Variants in DGKZ observed in about 807,000 individuals in gnomAD.
DGKZ encodes the protein DAG kinase zeta.
A neutral mutation model predicts 142.5 loss-of-function variants in DGKZ; 45 were observed. That is an observed-to-expected ratio of 0.32 (90% CI 0.25 to 0.40). The LOEUF is 0.40. DGKZ is among the 10% of genes least tolerant of loss of function. The pLI is 1.00. For synonymous variants in DGKZ, 442 were observed against 527.0 expected, an observed-to-expected ratio of 0.84 and a Z score of 2.21; for missense variants, 755 against 1,306.5, an observed-to-expected ratio of 0.58 and a Z score of 6.51.
chr11:46,374,777 G>A, exon 18 of DGKZ: 1 of 1,612,348 alleles, frequency 6.2e-7, no homozygotes, highest in Non-Finnish European at 8.5e-7. Flanking sequence ...GTGATGGAAT[G>A]GACTTGACTC....
chr11:46,361,012 C>T (rs937205706), intron 1 of DGKZ, among the ~76,000 whole-genome samples: 1 of 152,206 alleles, frequency 6.6e-6, no homozygotes, highest in Non-Finnish European at 1.5e-5. Context: ...TGGGCAGTCA[C>T]GGGCTTCCAC....
At chr11:46,357,310 C>T (rs1942143285) in intron 1 of DGKZ, among the ~76,000 whole-genome samples, 1 of 152,094 alleles carries the variant, frequency 6.6e-6, no homozygotes, top group African/African-American at 2.4e-5. Context: ...ACCAAACCGA[C>T]TATCTAGTTT....
chr11:46,364,297 C>G (rs1323700192), intron 1 of DGKZ: 2 of 1,161,274 alleles, frequency 1.7e-6, no homozygotes, highest in African/African-American at 3.2e-5. Flanking sequence ...AGTACCTATT[C>G]CTTGGGGTTG....
At position 46,379,501 on chromosome 11, in the gene DGKZ, T is replaced by G; in HGVS notation, c.2621T>G (p.Leu874Arg). ...ACCTGTTTGCACCAAGCAGCGGCCC[T>G]GGGCCAGCGCACCATCTGCCACTAC... The change falls in exon 30 of 31, where the codon CTG becomes CGG. Residue 874 changes from leucine to arginine, a missense_variant. Around this residue, in one of 8 missense-constraint regions of DGKZ, gnomAD observed 100 missense variants for 87.7 expected, o/e 1.14. Transcript: ENST00000527911. 2.5e-6 allele frequency: 4 copies of G among 1,611,438 alleles called. No homozygotes were observed. The South Asian group carries it at 4.4e-5, about 18-fold the overall frequency.
chr11:46,340,061 G>A (rs1940202613), intron 1 of DGKZ, among the ~76,000 whole-genome samples: 1 of 152,232 alleles, frequency 6.6e-6, no homozygotes, highest in African/African-American at 2.4e-5. Context: ...TACAAATGAG[G>A]AGCTAAGGTT....
At chr11:46,354,657 T>G (rs1206480989) in intron 1 of DGKZ, among the ~76,000 whole-genome samples, 1 of 152,246 alleles carries the variant, frequency 6.6e-6, no homozygotes, top group Non-Finnish European at 1.5e-5. Context: ...CCCCTGTGTC[T>G]TACTCCCTGG....
chr11:46,376,310 C>G lies in DGKZ; in HGVS notation c.2092-18C>G. 3 of 1,613,910 alleles carry G rather than the reference C, an allele frequency of 1.9e-6. No individual in the cohort carries two copies. Among genetic ancestry groups the G allele is most frequent in the Non-Finnish European group, 2.5e-6 (3 of 1,179,960 alleles). On this transcript the variant is annotated intron_variant, in intron 22 of 30. Transcript: ENST00000527911. Reference sequence around the variant, plus strand: ...GGCCCCCACTCTATCCCAGCCTGGCCTTTGCTTCTCTCAACAGGAGCCCGA... The same window carrying G: ...GGCCCCCACTCTATCCCAGCCTGGCGTTTGCTTCTCTCAACAGGAGCCCGA...
intron 1 of DGKZ, among the ~76,000 whole-genome samples, chr11:46,356,747 T>C (rs913072055): frequency 6.6e-6 from 1 of 152,174 alleles, no homozygotes; most frequent in Non-Finnish European, 1.5e-5. Context: ...TGCCACATGT[T>C]AGCTGGACGA....
chr11:46,372,726 C>T lies in DGKZ; in HGVS notation c.1072-45C>T, dbSNP rs778698240. On this transcript the variant is annotated intron_variant, in intron 12 of 30. Coordinates refer to ENST00000527911, the Ensembl canonical transcript of DGKZ. The surrounding 1 kb of genome is among the most constrained non-coding windows in gnomAD (Gnocchi z 5.9). ...CGAGCACCAGGGCTGGGCCTGAAGC[C>T]GGGGTCCCTGTGGGCCTGATTTGCC... 1.9e-5 allele frequency: 30 copies of T among 1,611,196 alleles called. 1 individual carries two copies. Among genetic ancestry groups the T allele is most frequent in the East Asian group, 1.3e-4 (6 of 44,826 alleles).
chr11:46,336,842 T>C (rs1453247112), intron 1 of DGKZ, among the ~76,000 whole-genome samples: 1 of 152,122 alleles, frequency 6.6e-6, no homozygotes, highest in Non-Finnish European at 1.5e-5. Context: ...CATGACCCAC[T>C]GCTCCTGGCC....
exon 6 of DGKZ, chr11:46,369,941 C>A (rs1193528153): frequency 6.2e-7 from 1 of 1,613,944 alleles, no homozygotes; most frequent in Middle Eastern, 1.6e-4. Flanking sequence ...TCTCCCCCAG[C>A]CAACCTTTGT....
At position 46,379,031 on chromosome 11, in the gene DGKZ, G is replaced by A. The variant is rs538300752; in HGVS notation, c.2459G>A (p.Arg820Gln). 4.1e-5 allele frequency: 65 copies of A among 1,591,264 alleles called. 1 individual carries two copies. In the South Asian group the frequency reaches 5.5e-4, roughly 14 times the overall value. Reference sequence around the variant, plus strand: ...CGAGCTGGGGGCGACCTCATGCACCGAGACGAGCAGAGTCGCACGCTCCTG... The same window carrying A: ...CGAGCTGGGGGCGACCTCATGCACCAAGACGAGCAGAGTCGCACGCTCCTG... The change falls in exon 28 of 31, where the codon CGA (arginine) becomes CAA (glutamine). Residue 820 changes from arginine (R) to glutamine (Q), a missense_variant. Arg to Gln is a conservative substitution (Grantham distance 43). This residue lies in a region of DGKZ where 87 missense variants were observed against 112.2 expected (regional missense o/e 0.78). Transcript: ENST00000527911.
At chr11:46,369,131 G>T (rs933900780) in intron 4 of DGKZ, 4 of 324,626 alleles carry the variant, frequency 1.2e-5, no homozygotes, top group Non-Finnish European at 2.4e-5. Flanking sequence ...AGCCGAGATC[G>T]CACCACTGCA....
rs771895100 is a variant in DGKZ at position 46,376,072 on chromosome 11, C to T, written c.2018C>T (p.Pro673Leu). 1.2e-5 allele frequency: 19 copies of T among 1,612,018 alleles called. No individual in the cohort carries two copies. Among genetic ancestry groups the T allele is most frequent in the East Asian group, 2.2e-5 (1 of 44,866 alleles). Residue 673 changes from proline to leucine, a missense_variant, in exon 22 of 31, where the codon CCG becomes CTG. Pro to Leu is a moderately conservative substitution (Grantham distance 98). Coordinates refer to ENST00000527911, the Ensembl canonical transcript of DGKZ. ...CAGGTGCTCTGTTCTCCAGCTGTGCCGCTGGGCACTGTGGTGGTCCCAGGA... is the reference window on the plus strand; with the variant it reads ...CAGGTGCTCTGTTCTCCAGCTGTGCTGCTGGGCACTGTGGTGGTCCCAGGA...
rs1943436078 is a variant in DGKZ at position 46,367,415 on chromosome 11, C to A, written c.270+16C>A. ...GGACTGGAGCGTGAGTGCCTGAACA[C>A]CCCTGGGTCCCAGACCCTCTGGGCT... On this transcript the variant is annotated intron_variant, in intron 2 of 30. Transcript: ENST00000527911. The surrounding 1 kb of genome is among the most constrained non-coding windows in gnomAD (Gnocchi z 4.1). The A allele has an allele frequency of 6.2e-7, 1 of 1,610,574 alleles. No individual in the cohort carries two copies. Among genetic ancestry groups the A allele is most frequent in the Admixed American group, 1.7e-5 (1 of 59,926 alleles).
In DGKZ at chr11:46,367,295, G is replaced by A; in HGVS notation, c.166G>A (p.Ala56Thr). The A allele has an allele frequency of 3.7e-6, 6 of 1,611,778 alleles. No individual in the cohort carries two copies. The highest frequency in any genetic ancestry group is 1.7e-5 in the Admixed American group (1 of 60,020). The change falls in exon 2 of 31, where the codon GCC (alanine) becomes ACC (threonine). Residue 56 changes from alanine to threonine, a missense_variant. Transcript: ENST00000527911. The surrounding 1 kb of genome is among the most constrained non-coding windows in gnomAD (Gnocchi z 4.1). ...CAGCTGTCTTCTCCTCTCTAGGAAAGCCATCACCAAGTCGGGCCTCCAGCA... is the reference window on the plus strand; with the variant it reads ...CAGCTGTCTTCTCCTCTCTAGGAAAACCATCACCAAGTCGGGCCTCCAGCA...
In DGKZ at chr11:46,367,623, T is replaced by C. The variant is rs761236890; in HGVS notation, c.271-29T>C. On this transcript the variant is annotated intron_variant, in intron 2 of 30. Transcript: ENST00000527911. This position sits in a 1 kb window ranked among gnomAD's most constrained non-coding sequence, Gnocchi z 4.1. ...GGGAGGGAGGGCTGGGCGGCCAGCGTGTGCTGAGCAAGCCCATCCCGTGGC... is the reference window on the plus strand; with the variant it reads ...GGGAGGGAGGGCTGGGCGGCCAGCGCGTGCTGAGCAAGCCCATCCCGTGGC... The C allele has an allele frequency of 1.9e-6, 3 of 1,571,532 alleles. No individual in the cohort carries two copies. Among genetic ancestry groups the C allele is most frequent in the Non-Finnish European group, 8.7e-7 (1 of 1,155,256 alleles).
intron 1 of DGKZ, among the ~76,000 whole-genome samples, chr11:46,334,281 C>T (rs1939903964): frequency 6.6e-6 from 1 of 152,238 alleles, no homozygotes; most frequent in South Asian, 2.1e-4. Flanking sequence ...CTCTCCCAAA[C>T]CACAGCCTCA....
chr11:46,379,513 C>T (rs1944972422), exon 30 of DGKZ: 1 of 1,611,692 alleles, frequency 6.2e-7, no homozygotes, highest in East Asian at 2.2e-5. Context: ...GGCCAGCGCA[C>T]CATCTGCCAC....
Sources: allele counts gnomAD v4.1 joint callset (sites outside exome capture counted in the v4.1 genomes callset), GRCh38; gene constraint gnomAD v4.1.1; regional missense constraint gnomAD v4.1.1; non-coding constraint Gnocchi (gnomAD v3.1); transcripts MANE v1.5; gene names NCBI Gene and HGNC (gene_info 2026-07-23, HGNC 2026-07-21).